RGS6: variants seen among roughly 807,000 people sequenced by gnomAD.
RGS6 encodes the protein regulator of G protein signaling 6.
Under a neutral mutation model 78.5 loss-of-function variants are expected in RGS6, and 30 were observed. The observed-to-expected ratio is 0.38, with a 90% CI of 0.29 to 0.52. RGS6 has a LOEUF of 0.52. Among genes scored for constraint, RGS6 ranks in the 20% least tolerant of loss-of-function variants. RGS6 has a pLI of 0.85. For missense variants in RGS6, 495 were observed against 609.7 expected (o/e 0.81, Z 1.98); for synonymous variants, 206 against 206.0 (o/e 1.00, Z 0.00).
At chr14:72,242,757 C>G (rs2053190459) in intron 2 of RGS6, among the ~76,000 whole-genome samples, 1 of 149,698 alleles carries the variant, frequency 6.7e-6, no homozygotes, top group Non-Finnish European at 1.5e-5. Flanking sequence ...ACTGTATGGA[C>G]AAGGGTGAAT....
chr14:72,028,426 C>T (rs1008895665), intron 2 of RGS6, among the ~76,000 whole-genome samples: 2 of 152,224 alleles, frequency 1.3e-5, no homozygotes, highest in Admixed American at 1.3e-4. Flanking sequence ...TTAGCTAATA[C>T]ATCTTACAGT....
Position 72,165,097 on chromosome 14 carries a change from A to G in RGS6, c.85-186998A>G, listed in dbSNP as rs114231014. On this transcript the variant is annotated intron_variant, in intron 2 of 17. Transcript: ENST00000553525. ...AGCTGATACTTTGGGAATTCCAAGA[A>G]AGAGCCAGGAACCCTGCTAGGAATA... Among the ~76,000 whole-genome samples the G allele has an allele frequency of 3.0e-3, 450 of 152,332 alleles. 2 individuals carry two copies. The highest frequency in any genetic ancestry group is 0.01 in the African/African-American group (433 of 41,566).
chr14:72,413,231 G>C (rs932824809), intron 3 of RGS6, among the ~76,000 whole-genome samples: 15 of 152,208 alleles, frequency 9.9e-5, no homozygotes, highest in African/African-American at 3.6e-4. Flanking sequence ...CTAAGGGCTT[G>C]CTTTATGAAT....
chr14:72,200,443 A>G (rs1320419035), intron 2 of RGS6, among the ~76,000 whole-genome samples: 1 of 152,154 alleles, frequency 6.6e-6, no homozygotes, highest in East Asian at 1.9e-4. Context: ...AGTTCACTTC[A>G]TTTGTCCACT....
At chr14:72,125,638 GGGGGGAAAGGTGATTGGAGGT>G (rs1400335911) in intron 2 of RGS6, among the ~76,000 whole-genome samples, 4 of 152,036 alleles carry the variant, frequency 2.6e-5, no homozygotes, top group Non-Finnish European at 4.4e-5. Context: ...GGTCTATTGT[GGGGGGAAAGGTGATTGGAGGT>G]GGGGGAAAGG....
intron 3 of RGS6, among the ~76,000 whole-genome samples, chr14:72,400,642 A>G (rs1234991035): frequency 6.6e-6 from 1 of 152,208 alleles, no homozygotes; most frequent in Admixed American, 6.5e-5. Context: ...TAAGCCTCAT[A>G]ATTGTTCAGT....
chr14:72,167,701 T>C (rs776361761), intron 2 of RGS6, among the ~76,000 whole-genome samples: 48 of 152,314 alleles, frequency 3.2e-4, no homozygotes, highest in Middle Eastern at 3.4e-3. Flanking sequence ...AATAGAACAC[T>C]TACTCCAAAA....
intron 11 of RGS6, among the ~76,000 whole-genome samples, chr14:72,477,488 GAA>G (rs33976138): frequency 9.4e-5 from 14 of 149,496 alleles, no homozygotes; most frequent in South Asian, 2.1e-4. Context: ...ATGGATATAT[GAA>G]AAAAAAAAGC....
At chr14:72,560,511 G>A (rs992903947) in intron 17 of RGS6, among the ~76,000 whole-genome samples, 18 of 152,168 alleles carry the variant, frequency 1.2e-4, no homozygotes, top group African/African-American at 4.3e-4. Context: ...TGTAAGAAAG[G>A]GCACTCAAGG....
chr14:71,914,167 G>A, the RGS6 span, among the ~76,000 whole-genome samples: 3 of 152,190 alleles, frequency 2.0e-5, no homozygotes, highest in African/African-American at 7.2e-5. Flanking sequence ...TTGTCCTTGG[G>A]CCAGCTGACT....
At chr14:72,455,877 C>A (rs1389852073) in intron 4 of RGS6, among the ~76,000 whole-genome samples, 1 of 152,154 alleles carries the variant, frequency 6.6e-6, no homozygotes, top group Non-Finnish European at 1.5e-5. Flanking sequence ...GAACGTGTTT[C>A]CTCATGGCCA....
At chr14:72,439,439 C>T (rs992299088) in intron 3 of RGS6, among the ~76,000 whole-genome samples, 2 of 152,180 alleles carry the variant, frequency 1.3e-5, no homozygotes. Context: ...CGTGTGAGGC[C>T]TTTGTGAGCT....
At chr14:72,059,402 T>A (rs2093779086) in intron 2 of RGS6, among the ~76,000 whole-genome samples, 1 of 152,216 alleles carries the variant, frequency 6.6e-6, no homozygotes, top group Non-Finnish European at 1.5e-5. Context: ...AATGATAACT[T>A]GTCACATGTT....
chr14:72,226,914 T>G (rs576527008), intron 2 of RGS6, among the ~76,000 whole-genome samples: 214 of 152,334 alleles, frequency 1.4e-3, no homozygotes, highest in African/African-American at 4.8e-3. Flanking sequence ...CTTGAACTCC[T>G]GGTGTCAAGT....
intron 2 of RGS6, among the ~76,000 whole-genome samples, chr14:72,083,811 GA>G (rs1339856794): frequency 1.3e-5 from 2 of 152,132 alleles, no homozygotes; most frequent in African/African-American, 4.8e-5. Context: ...GCAGCCAAAA[GA>G]AATGTTGCTT....
intron 2 of RGS6, among the ~76,000 whole-genome samples, chr14:72,293,515 C>T (rs1453130040): frequency 1.3e-5 from 2 of 152,086 alleles, no homozygotes; most frequent in African/African-American, 4.8e-5. Context: ...CTCTCTCCTC[C>T]TTCCTTCCTC....
chr14:72,309,190 G>T (rs1018912282), intron 2 of RGS6, among the ~76,000 whole-genome samples: 1 of 152,208 alleles, frequency 6.6e-6, no homozygotes, highest in African/African-American at 2.4e-5. Flanking sequence ...CATCAAGGCT[G>T]CCCTTTGCTC....
intron 2 of RGS6, among the ~76,000 whole-genome samples, chr14:72,327,006 C>T (rs2073954105): frequency 6.6e-6 from 1 of 152,172 alleles, no homozygotes; most frequent in East Asian, 1.9e-4. Flanking sequence ...TGCGCCCGGC[C>T]AGGTATTTCT....
At chr14:72,520,520 G>T (rs989810707) in intron 15 of RGS6, among the ~76,000 whole-genome samples, 8 of 152,148 alleles carry the variant, frequency 5.3e-5, no homozygotes, top group Non-Finnish European at 8.8e-5. Context: ...TTAATTAGAG[G>T]TTACAAAACA....
Sources: gnomAD v4.1 joint callset for allele counts (sites outside exome capture counted in the v4.1 genomes callset) on GRCh38, gnomAD v4.1.1 for gene constraint, MANE v1.5 for transcripts, NCBI Gene and HGNC (gene_info 2026-07-23, HGNC 2026-07-21) for gene names.